The following ADGRF1 variants were observed in gnomAD, a reference collection of about 807,000 sequenced individuals.
The protein encoded by ADGRF1 is G protein-coupled receptor 110.
In ADGRF1, 85 loss-of-function variants were observed where a neutral mutation model predicts 87.2. The observed-to-expected ratio is 0.97, with a 90% CI of 0.82 to 1.17. The LOEUF is 1.17. Among genes scored for constraint, ADGRF1 ranks in the 50% most tolerant of loss-of-function variants. The pLI is 0.00. For missense variants in ADGRF1, 1,169 were observed against 1,077.2 expected (o/e 1.09, Z -1.19); for synonymous variants, 430 against 408.8 (o/e 1.05, Z -0.63).
At chr6:47,001,351 C>G in intron 14 of ADGRF1, 150 bp downstream of exon 14, 1 of 606,668 alleles carries the variant, frequency 1.6e-6, no homozygotes, top group Non-Finnish European at 2.8e-6. Flanking sequence ...GCCCTGAGCA[C>G]GGTCTGGATG....
intron 12 of ADGRF1, among the ~76,000 whole-genome samples, chr6:47,006,632 C>A (rs999776558): frequency 6.6e-6 from 1 of 152,134 alleles, no homozygotes; most frequent in Non-Finnish European, 1.5e-5. Flanking sequence ...ATCACCTGAG[C>A]AGTATATACT....
At chr6:47,012,366 G>A in intron 9 of ADGRF1, 171 bp from the exon 10 acceptor site, 2 of 1,243,414 alleles carry the variant, frequency 1.6e-6, no homozygotes, top group Non-Finnish European at 2.1e-6. Flanking sequence ...CTATATTTTA[G>A]ACATTGCACT....
chr6:47,020,747 G>A lies in ADGRF1; in HGVS notation c.595C>T (p.Gln199Ter). 1 of 1,613,928 alleles carries A rather than the reference G, an allele frequency of 6.2e-7. No homozygotes were observed. The highest frequency in any genetic ancestry group is 8.5e-7 in the Non-Finnish European group (1 of 1,179,826). Residue 199 changes from glutamine to a stop codon, truncating the protein, a stop_gained, in exon 7 of 15, where the codon CAG (glutamine) becomes TAG (stop). Coordinates refer to ENST00000371253, the MANE Select transcript of ADGRF1 (RefSeq NM_153840.4). LOFTEE classifies it high-confidence loss of function. Reference protein sequence around the residue: ...YERIQGFESVQVTQFRNGSIV... With the variant: ...YERIQGFESV Reference sequence around the variant, plus strand: ...GTTACTTACCGAAATTGGGTGACCTGAACCGACTCAAAACCTTGAATTCTT... The same window carrying A: ...GTTACTTACCGAAATTGGGTGACCTAAACCGACTCAAAACCTTGAATTCTT...
chr6:47,020,650 C>A (rs1458379879), intron 7 of ADGRF1, 81 bp downstream of exon 7: 3 of 1,582,628 alleles, frequency 1.9e-6, no homozygotes, highest in African/African-American at 1.3e-5. Flanking sequence ...CTGTCAGGGT[C>A]ACCTAAAAAC....
chr6:47,019,045 G>A (rs575181304), intron 7 of ADGRF1: 159 of 161,938 alleles, frequency 9.8e-4, no homozygotes, highest in Admixed American at 3.0e-3. Context: ...CTCCACTCCA[G>A]CATGGGCAAC....
In ADGRF1 at chr6:47,016,713, G is replaced by A. The variant is rs140840470; in HGVS notation, c.667C>T (p.Leu223=). 1.2e-6 allele frequency: 2 copies of A among 1,611,346 alleles called. No individual in the cohort carries two copies. The highest frequency in any genetic ancestry group is 8.5e-7 in the Non-Finnish European group (1 of 1,177,900). Residue 223 remains leucine (L), a synonymous_variant, in exon 8 of 15, where the codon CTG becomes TTG. Transcript: ENST00000371253. ...GCAACATGTTCAATGGCTGACAGCAGTTCAGATGCACTGCTGGAGCCAACA... is the reference window on the plus strand; with the variant it reads ...GCAACATGTTCAATGGCTGACAGCAATTCAGATGCACTGCTGGAGCCAACA... ...EVVGSSSASE[L]LSAIEHVAEK...
intron 9 of ADGRF1, chr6:47,013,024 G>T: frequency 1.0e-6 from 1 of 959,108 alleles, no homozygotes; most frequent in Non-Finnish European, 1.2e-6. Context: ...TGCCCGGCTT[G>T]GCCTCCCAAA....
chr6:47,006,446 C>T (rs2113877387), intron 12 of ADGRF1, among the ~76,000 whole-genome samples: 1 of 124,330 alleles, frequency 8.0e-6, no homozygotes, highest in East Asian at 2.5e-4. Context: ...TTTAAACTTA[C>T]TGTTCTTCAC....
chr6:47,035,865 C>A (rs563341374), intron 1 of ADGRF1, among the ~76,000 whole-genome samples: 1 of 152,046 alleles, frequency 6.6e-6, no homozygotes, highest in Non-Finnish European at 1.5e-5. Context: ...TACACATGAA[C>A]GTAAAGATGG....
rs1780152251 is a variant in ADGRF1, at chr6:47,024,061, T to C, written c.434A>G (p.Asn145Ser). The C allele has an allele frequency of 1.2e-6, 2 of 1,613,782 alleles. No individual in the cohort carries two copies. Among genetic ancestry groups the C allele is most frequent in the Admixed American group, 1.7e-5 (1 of 59,980 alleles). ...TTGCTTACTTGTTCTCTCACAGAAA[T>C]TGACACTCTGGCTGAGGTTGTTGAG... ...CHLNNLSQSVNFCERTKIWGT... is the reference protein window; with the variant it reads ...CHLNNLSQSVSFCERTKIWGT... The change falls in exon 5 of 15, where the codon AAT (asparagine) becomes AGT (serine). Residue 145 changes from asparagine (N) to serine (S), a missense_variant. By Grantham distance (46) the Asn-to-Ser change is conservative (BLOSUM62 1). Transcript: ENST00000371253.
intron 9 of ADGRF1, 142 bp from the exon 10 acceptor site, chr6:47,012,337 G>T (rs572361176): frequency 3.6e-5 from 50 of 1,381,730 alleles, no homozygotes; most frequent in African/African-American, 5.8e-5. Flanking sequence ...TAGTAACAAA[G>T]GCTGTTATTC....
At chr6:47,036,266 A>ACAAT (rs1780586364) in intron 1 of ADGRF1, among the ~76,000 whole-genome samples, 3 of 151,866 alleles carry the variant, frequency 2.0e-5, no homozygotes, top group Non-Finnish European at 4.4e-5. Flanking sequence ...AAACAAACAA[A>ACAAT]AAACAGCTAC....
intron 6 of ADGRF1, 71 bp from the exon 7 acceptor site, chr6:47,020,860 T>A (rs191670177): frequency 8.5e-7 from 1 of 1,172,676 alleles, no homozygotes; most frequent in South Asian, 1.3e-5. Context: ...TGAGCAAAAA[T>A]TGATACAGAC....
At chr6:47,006,461 AATTTT>A (rs66531855) in intron 12 of ADGRF1, among the ~76,000 whole-genome samples, 86,631 of 151,272 alleles carry the variant, frequency 0.57, 26,274 homozygotes, top group Non-Finnish European at 0.68. Context: ...CTTCACTGGG[AATTTT>A]ATTTAATGTG....
At chr6:47,014,217 C>CT in intron 9 of ADGRF1, 1 of 982,880 alleles carries the variant, frequency 1.0e-6, no homozygotes, top group African/African-American at 1.7e-5. Context: ...CCTTAAGGTC[C>CT]ATTGCAGTTC....
intron 3 of ADGRF1, among the ~76,000 whole-genome samples, 159 bp downstream of exon 3, chr6:47,027,545 C>A (rs905067528): frequency 2.6e-5 from 4 of 152,172 alleles, no homozygotes; most frequent in Admixed American, 2.6e-4. Context: ...TCTTCACAAA[C>A]GTCTTGCTCA....
intron 14 of ADGRF1, 75 bp from the exon 15 acceptor site, chr6:47,000,370 C>T (rs76640883): frequency 1.9e-6 from 2 of 1,080,868 alleles, no homozygotes; most frequent in Middle Eastern, 2.1e-4. Context: ...TGAAAATTAG[C>T]CTGTAGATTA....
rs1780151040 is a variant in ADGRF1 at position 47,024,019 on chromosome 6, G to C, written c.451+25C>G. On this transcript the variant is annotated intron_variant, in intron 5 of 14. Coordinates refer to ENST00000371253, the MANE Select transcript of ADGRF1 (RefSeq NM_153840.4). ...GCATGTTGGGGTGGGAGAAGCCCCA[G>C]CCCAGAGCATTCTTAGTTGCTTACT... 2 of 1,603,822 alleles carry C rather than the reference G, an allele frequency of 1.2e-6. 1 individual carries two copies.
intron 1 of ADGRF1, among the ~76,000 whole-genome samples, chr6:47,038,063 GT>G (rs1780640622): frequency 6.6e-6 from 1 of 152,058 alleles, no homozygotes; most frequent in Non-Finnish European, 1.5e-5. Context: ...GTTTCACCAT[GT>G]TGGCCAGGTT....
Sources: gnomAD v4.1 joint callset for allele counts (sites outside exome capture counted in the v4.1 genomes callset) on GRCh38, gnomAD v4.1.1 for gene constraint, MANE v1.5 for transcripts, NCBI Gene and HGNC (gene_info 2026-07-23, HGNC 2026-07-21) for gene names.